The following SGCZ variants were observed in gnomAD, a reference collection of about 807,000 sequenced individuals.
SGCZ encodes zeta-sarcoglycan.
Under a neutral mutation model 41.3 loss-of-function variants are expected in SGCZ, and 40 were observed. The observed-to-expected ratio is 0.97, with a 90% CI of 0.75 to 1.26. The LOEUF is 1.26. Ranked by LOEUF, SGCZ falls within the 50% of genes most tolerant of loss-of-function variation. The pLI is 0.00. For synonymous variants in SGCZ, 206 were observed against 137.5 expected (o/e 1.50, Z -3.49); for missense variants, 552 against 369.8 (o/e 1.49, Z -4.04).
chr8:14,855,201 C>G lies in SGCZ; in HGVS notation c.40-300275G>C, dbSNP rs78797778. Among the ~76,000 whole-genome samples the G allele has an allele frequency of 4.3e-3, 650 of 151,952 alleles. 2 individuals are homozygous for G. Among genetic ancestry groups the G allele is most frequent in the Middle Eastern group, 6.8e-3 (2 of 294 alleles). ...CTGAGTAGCTGGGAATAAGGGATGC[C>G]AACATGTCCACCTAACTTTCGTATT... On this transcript the variant is annotated intron_variant, in intron 1 of 7. Coordinates refer to ENST00000382080, the MANE Select transcript of SGCZ (RefSeq NM_139167.4).
intron 2 of SGCZ, among the ~76,000 whole-genome samples, chr8:14,344,064 A>T (rs1259819727): frequency 6.6e-6 from 1 of 152,176 alleles, no homozygotes; most frequent in Non-Finnish European, 1.5e-5. Flanking sequence ...GAACAATTCA[A>T]TATTTGATGT....
intron 3 of SGCZ, among the ~76,000 whole-genome samples, chr8:14,289,303 G>A (rs969385243): frequency 8.7e-5 from 13 of 149,986 alleles, no homozygotes; most frequent in Admixed American, 7.3e-4. Flanking sequence ...ATTTCTCTTT[G>A]GTTGTTTATG....
At chr8:14,763,440 G>A (rs888330062) in intron 1 of SGCZ, among the ~76,000 whole-genome samples, 11 of 152,178 alleles carry the variant, frequency 7.2e-5, no homozygotes, top group East Asian at 1.9e-4. Context: ...CCATCTCTGC[G>A]CCCTACAACT....
At chr8:14,520,391 T>C (rs939263575) in intron 2 of SGCZ, among the ~76,000 whole-genome samples, 5 of 152,106 alleles carry the variant, frequency 3.3e-5, no homozygotes, top group African/African-American at 1.2e-4. Context: ...CATGTTATAA[T>C]CTGTGGCAAC....
intron 3 of SGCZ, among the ~76,000 whole-genome samples, chr8:14,322,390 G>C (rs1454492733): frequency 6.6e-6 from 1 of 151,982 alleles, no homozygotes; most frequent in Admixed American, 6.6e-5. Context: ...GCTTTCTCGG[G>C]GATGGAAACT....
At chr8:14,131,736 T>G (rs1803047253) in intron 5 of SGCZ, among the ~76,000 whole-genome samples, 1 of 152,186 alleles carries the variant, frequency 6.6e-6, no homozygotes, top group East Asian at 1.9e-4. Flanking sequence ...AGATAACATT[T>G]TAGTCAGCAA....
intron 1 of SGCZ, among the ~76,000 whole-genome samples, chr8:15,233,908 A>T (rs1355508596): frequency 2.0e-5 from 3 of 152,170 alleles, no homozygotes; most frequent in Non-Finnish European, 4.4e-5. Flanking sequence ...TATTATACTC[A>T]TGATGTATTT....
intron 3 of SGCZ, among the ~76,000 whole-genome samples, chr8:14,320,731 T>C (rs1174267949): frequency 6.6e-6 from 1 of 152,030 alleles, no homozygotes; most frequent in Non-Finnish European, 1.5e-5. Flanking sequence ...TTGAATTATC[T>C]GGTAGTAGTT....
intron 6 of SGCZ, among the ~76,000 whole-genome samples, chr8:14,105,081 C>A (rs897894427): frequency 2.0e-5 from 3 of 151,938 alleles, no homozygotes; most frequent in African/African-American, 7.2e-5. Flanking sequence ...CTGTTCTGGG[C>A]AAATTTACTG....
intron 2 of SGCZ, among the ~76,000 whole-genome samples, chr8:14,455,647 G>A (rs978006730): frequency 1.3e-5 from 2 of 152,168 alleles, no homozygotes; most frequent in Non-Finnish European, 2.9e-5. Context: ...AAATATATAT[G>A]CATCAGATCA....
intron 1 of SGCZ, among the ~76,000 whole-genome samples, chr8:14,654,444 T>C (rs1262164395): frequency 1.3e-5 from 2 of 152,100 alleles, no homozygotes; most frequent in Non-Finnish European, 2.9e-5. Flanking sequence ...TTATAGTAGT[T>C]GCTATGAGAA....
At chr8:14,386,486 A>T (rs1333275673) in intron 2 of SGCZ, among the ~76,000 whole-genome samples, 1 of 152,166 alleles carries the variant, frequency 6.6e-6, no homozygotes, top group Admixed American at 6.6e-5. Context: ...AACACACATA[A>T]AAATATACTT....
At chr8:14,940,086 A>C (rs1800220099) in intron 1 of SGCZ, among the ~76,000 whole-genome samples, 1 of 152,266 alleles carries the variant, frequency 6.6e-6, no homozygotes, top group Admixed American at 6.5e-5. Flanking sequence ...CTCTTAAGTC[A>C]CTGGAAAACA....
intron 3 of SGCZ, among the ~76,000 whole-genome samples, chr8:14,323,445 T>C (rs1585362820): frequency 6.6e-6 from 1 of 152,064 alleles, no homozygotes; most frequent in East Asian, 1.9e-4. Flanking sequence ...GGGAATGTAA[T>C]AGATATGAAA....
At chr8:14,920,787 A>G (rs184474511) in intron 1 of SGCZ, among the ~76,000 whole-genome samples, 11 of 152,324 alleles carry the variant, frequency 7.2e-5, no homozygotes, top group East Asian at 1.9e-4. Flanking sequence ...TATTTGTTTA[A>G]CTCATTCTAA....
intron 2 of SGCZ, among the ~76,000 whole-genome samples, chr8:14,430,277 A>T (rs1799906797): frequency 1.3e-5 from 2 of 152,188 alleles, no homozygotes; most frequent in Admixed American, 6.5e-5. Context: ...CCTAATGAAC[A>T]TAGGTGCTAA....
intron 1 of SGCZ, among the ~76,000 whole-genome samples, chr8:14,575,593 G>A (rs1233633139): frequency 6.6e-6 from 1 of 152,026 alleles, no homozygotes; most frequent in Non-Finnish European, 1.5e-5. Flanking sequence ...TTTAAAGAGT[G>A]GAACAACACA....
intron 1 of SGCZ, among the ~76,000 whole-genome samples, chr8:15,080,040 A>AT (rs908935943): frequency 2.0e-5 from 3 of 150,840 alleles, no homozygotes; most frequent in East Asian, 1.9e-4. Flanking sequence ...TTCCTTCGCC[A>AT]TTTTTTTTAT....
intron 2 of SGCZ, among the ~76,000 whole-genome samples, chr8:14,356,625 G>A (rs1554505183): frequency 6.6e-6 from 1 of 151,484 alleles, no homozygotes; most frequent in Non-Finnish European, 1.5e-5. Context: ...AAATAATATA[G>A]AAAAAAATGA....
Sources: gnomAD v4.1 joint callset for allele counts (sites outside exome capture counted in the v4.1 genomes callset) on GRCh38, gnomAD v4.1.1 for gene constraint, MANE v1.5 for transcripts, NCBI Gene and HGNC (gene_info 2026-07-23, HGNC 2026-07-21) for gene names.